Variants in FAM220A observed in about 807,000 individuals in gnomAD.
FAM220A encodes family with sequence similarity 220 member A, also known as protein FAM220A.
For missense variants in FAM220A, 392 were observed against 321.6 expected, an observed-to-expected ratio of 1.22 and a Z score of -1.68; for synonymous variants, 141 against 130.7, an observed-to-expected ratio of 1.08 and a Z score of -0.54.
chr7:6,337,132 C>G (rs193059992), intron 1 of FAM220A, among the ~76,000 whole-genome samples: 2 of 150,734 alleles, frequency 1.3e-5, no homozygotes, highest in Non-Finnish European at 3.0e-5. Flanking sequence ...AGTGCAGTGG[C>G]GCAATCTCAG....
chr7:6,344,151 A>G (rs916806200), intron 1 of FAM220A, among the ~76,000 whole-genome samples: 1 of 151,820 alleles, frequency 6.6e-6, no homozygotes, highest in Non-Finnish European at 1.5e-5. Context: ...AGAACAAGAA[A>G]AAAAAAAAAA....
At chr7:6,347,388 C>T (rs1381620294) in intron 1 of FAM220A, among the ~76,000 whole-genome samples, 1 of 151,872 alleles carries the variant, frequency 6.6e-6, no homozygotes, top group African/African-American at 2.4e-5. Flanking sequence ...TGGTGGCGGG[C>T]ACCTGTAGTC....
chr7:6,340,965 T>TAAA (rs149288000), intron 1 of FAM220A, among the ~76,000 whole-genome samples: 11,765 of 86,946 alleles, frequency 0.14, 1,245 homozygotes, highest in East Asian at 0.5. Context: ...CTGTCTCTAC[T>TAAA]AAAAAAAAAA....
rs375783206 is a variant in FAM220A, at chr7:6,330,948, C to G, written c.207G>C (p.Pro69=). The change falls in exon 2 of 2, where the codon CCG becomes CCC. Residue 69 remains proline (P), a synonymous_variant. Transcript: ENST00000313324. ...EALSLEMRKD[P]SGAGLWLHSG... is the part of the protein sequence containing the mutation. ...TGTGAAGCCAGAGGCCAGCCCCGCT[C>G]GGATCCTTTCTCATTTCCAGTGATA... The G allele has an allele frequency of 1.2e-6, 2 of 1,614,246 alleles. No individual in the cohort carries two copies. Among genetic ancestry groups the G allele is most frequent in the South Asian group, 2.2e-5 (2 of 91,084 alleles).
intron 1 of FAM220A, among the ~76,000 whole-genome samples, chr7:6,334,007 C>T (rs920349071): frequency 3.3e-5 from 5 of 151,372 alleles, no homozygotes; most frequent in South Asian, 2.1e-4. Context: ...CCACCACGCC[C>T]GGCTAATTTT....
chr7:6,342,825 C>T (rs1273512200), intron 1 of FAM220A, among the ~76,000 whole-genome samples: 1 of 151,696 alleles, frequency 6.6e-6, no homozygotes, highest in Non-Finnish European at 1.5e-5. Flanking sequence ...TTAGTTGAGG[C>T]CAGGAGTTCG....
chr7:6,346,660 C>T (rs760497825), intron 1 of FAM220A, among the ~76,000 whole-genome samples: 1 of 152,170 alleles, frequency 6.6e-6, no homozygotes, highest in African/African-American at 2.4e-5. Context: ...GGATTACTTA[C>T]AGGAGTGAGC....
At chr7:6,333,026 G>A (rs1273022183) in intron 1 of FAM220A, among the ~76,000 whole-genome samples, 8 of 151,714 alleles carry the variant, frequency 5.3e-5, no homozygotes, top group East Asian at 1.9e-4. Flanking sequence ...ACGTGCTGGC[G>A]GGTGCCTGTA....
intron 1 of FAM220A, among the ~76,000 whole-genome samples, chr7:6,336,172 C>A (rs1424941214): frequency 4.2e-4 from 55 of 131,794 alleles, no homozygotes; most frequent in Admixed American, 7.1e-4. Context: ...GATTTTGCCT[C>A]AAAAAAAAAA....
At chr7:6,338,486 A>G (rs1252931432) in intron 1 of FAM220A, 1 of 152,194 alleles carries the variant, frequency 6.6e-6, no homozygotes, top group Non-Finnish European at 1.5e-5. Flanking sequence ...AATAAAGTGT[A>G]GCCCTGGGTT....
chr7:6,333,581 CTGT>C (rs1781681793), intron 1 of FAM220A, among the ~76,000 whole-genome samples: 1 of 152,064 alleles, frequency 6.6e-6, no homozygotes, highest in Non-Finnish European at 1.5e-5. Context: ...TCACTGCAGC[CTGT>C]AACTTCTGGG....
chr7:6,331,949 T>C (rs999206253), intron 1 of FAM220A, among the ~76,000 whole-genome samples: 1 of 151,762 alleles, frequency 6.6e-6, no homozygotes, highest in African/African-American at 2.4e-5. Flanking sequence ...GTTCGCCATG[T>C]TGGCCAGGTG....
In FAM220A at chr7:6,348,891, T is replaced by TGGAGCGGAGTCCGCACGTCACGCTC. The variant is rs1562450627; in HGVS notation, c.-425_-401dup. 10 of 387,590 alleles carry TGGAGCGGAGTCCGCACGTCACGCTC rather than the reference T, an allele frequency of 2.6e-5. No homozygotes were observed. The highest frequency in any genetic ancestry group is 1.9e-4 in the African/African-American group (9 of 48,022). 24.0% of individuals were successfully genotyped at this position (387,590 alleles called of 1,614,324 possible). Reference sequence around the variant, plus strand: ...AGACCGGCGGGCGGGCGGGCCGCAGTGGAGCGGAGTCCGCACGTCACGCTC... The same window carrying TGGAGCGGAGTCCGCACGTCACGCTC: ...AGACCGGCGGGCGGGCGGGCCGCAGTGGAGCGGAGTCCGCACGTCACGCTCGGAGCGGAGTCCGCACGTCACGCTC... On this transcript the variant is annotated 5_prime_UTR_variant, in exon 1 of 2. Transcript: ENST00000313324.
At chr7:6,341,353 G>C (rs1218157809) in intron 1 of FAM220A, among the ~76,000 whole-genome samples, 1 of 150,880 alleles carries the variant, frequency 6.6e-6, no homozygotes, top group East Asian at 2.0e-4. Context: ...TGAGGCAGGA[G>C]AATGGTGTGA....
intron 1 of FAM220A, among the ~76,000 whole-genome samples, chr7:6,342,632 AT>A (rs1462786456): frequency 6.6e-6 from 1 of 152,192 alleles, no homozygotes; most frequent in East Asian, 1.9e-4. Context: ...ATAAAAACCG[AT>A]GTCCACACAA....
chr7:6,334,838 G>C (rs541241281), intron 1 of FAM220A, among the ~76,000 whole-genome samples: 19 of 149,284 alleles, frequency 1.3e-4, no homozygotes, highest in Middle Eastern at 3.7e-3. Context: ...GCACGATCTC[G>C]ACTCACTGCA....
rs778648956 is a variant in FAM220A, at chr7:6,330,352, A to G, written c.*23T>C. On this transcript the variant is annotated 3_prime_UTR_variant, in exon 2 of 2. Transcript: ENST00000313324. ...CTAAGACAACTCTTAAAATTAATCT[A>G]TTGGTATTGTTCTGCTTGTACCTTA... The G allele has an allele frequency of 3.3e-5, 52 of 1,580,066 alleles. No homozygotes were observed. The highest frequency in any genetic ancestry group is 3.8e-5 in the Non-Finnish European group (44 of 1,164,450).
chr7:6,342,364 G>A (rs1487712832), intron 1 of FAM220A, among the ~76,000 whole-genome samples: 1 of 151,712 alleles, frequency 6.6e-6, no homozygotes, highest in Non-Finnish European at 1.5e-5. Context: ...AGCTAACATG[G>A]CAAAACCCCG....
At chr7:6,335,272 G>C (rs1002767770) in intron 1 of FAM220A, among the ~76,000 whole-genome samples, 4 of 151,526 alleles carry the variant, frequency 2.6e-5, no homozygotes, top group African/African-American at 9.7e-5. Flanking sequence ...GCCCAGGCTG[G>C]AGGGCAATGG....
Sources: gnomAD v4.1 joint callset for allele counts (sites outside exome capture counted in the v4.1 genomes callset) on GRCh38, gnomAD v4.1.1 for gene constraint, MANE v1.5 for transcripts, NCBI Gene and HGNC (gene_info 2026-07-23, HGNC 2026-07-21) for gene names.